Variants in MMP26 observed in about 807,000 individuals in gnomAD.
MMP26 encodes matrix metalloproteinase-26.
In MMP26, 33 loss-of-function variants were observed where a neutral mutation model predicts 31.0. That is an observed-to-expected ratio of 1.06 (90% CI 0.81 to 1.42). The LOEUF is 1.42. MMP26 is among the 40% of genes most tolerant of loss of function. The pLI is 0.00. For synonymous variants in MMP26, 122 were observed against 114.9 expected (o/e 1.06, Z -0.40); for missense variants, 347 against 316.1 (o/e 1.10, Z -0.74).
intron 2 of MMP26, among the ~76,000 whole-genome samples, chr11:4,923,075 T>C (rs1302238346): frequency 6.6e-6 from 1 of 152,254 alleles, no homozygotes; most frequent in Non-Finnish European, 1.5e-5. Context: ...TAATGGTTAA[T>C]ATTTATTGAA....
chr11:4,808,275 G>T (rs1053559249), intron 2 of MMP26, among the ~76,000 whole-genome samples: 2 of 152,138 alleles, frequency 1.3e-5, no homozygotes, highest in Non-Finnish European at 1.5e-5. Context: ...GCCTGTGCTA[G>T]ATAACAATTC....
rs1412653489 is a variant in MMP26 at position 4,751,647 on chromosome 11, C to A, written c.-216-15623C>A. On this transcript the variant is annotated intron_variant, in intron 1 of 7. Transcript: ENST00000380390. ...AAATTGTTGAGGAAATTACCATAGACAGGATTTGCTGCTTCATTTAGTTGG... is the reference window on the plus strand; with the variant it reads ...AAATTGTTGAGGAAATTACCATAGAAAGGATTTGCTGCTTCATTTAGTTGG... 3.3e-5 allele frequency among the ~76,000 whole-genome samples: 5 copies of A among 152,164 alleles called. 1 individual carries two copies. In the South Asian group the frequency reaches 1.0e-3, roughly 32 times the overall value.
chr11:4,961,262 C>T (rs747965209), intron 2 of MMP26, among the ~76,000 whole-genome samples: 4 of 152,112 alleles, frequency 2.6e-5, no homozygotes, highest in East Asian at 1.9e-4. Flanking sequence ...GTTAAATTTC[C>T]GATGTCCAAG....
rs1283040337 is a variant in MMP26 at position 4,914,936 on chromosome 11, A to T, written c.-144-73132A>T. On this transcript the variant is annotated intron_variant, in intron 2 of 7. Transcript: ENST00000380390. The stretch of plus-strand genomic sequence containing the variant: ...ACAGATGTGGGAAACACAGGTGTTA[A>T]GGGCCTTGAATCTCTCAGCCCTGGA... 6.2e-7 allele frequency: 1 copy of T among 1,614,130 alleles called. No individual in the cohort carries two copies. Among genetic ancestry groups the T allele is most frequent in the Non-Finnish European group, 8.5e-7 (1 of 1,180,006 alleles).
intron 2 of MMP26, chr11:4,848,650 A>C (rs1849919611): frequency 1.2e-6 from 2 of 1,613,426 alleles, no homozygotes; most frequent in African/African-American, 1.3e-5. Context: ...GGATGCAAGC[A>C]ATAAGAATGG....
chr11:4,708,516 A>C (rs7108910), intron 1 of MMP26, among the ~76,000 whole-genome samples: 45,688 of 152,062 alleles, frequency 0.3, 8,007 homozygotes, highest in African/African-American at 0.48. Flanking sequence ...ATTCTAATGC[A>C]CACACTAACA....
chr11:4,782,156 C>T (rs576206416), intron 2 of MMP26, among the ~76,000 whole-genome samples: 35 of 152,170 alleles, frequency 2.3e-4, no homozygotes, highest in African/African-American at 6.3e-4. Flanking sequence ...GGCAGAGGTT[C>T]GAACAGTTTG....
intron 2 of MMP26, among the ~76,000 whole-genome samples, chr11:4,932,711 T>C (rs1851367931): frequency 6.6e-6 from 1 of 152,076 alleles, no homozygotes; most frequent in Non-Finnish European, 1.5e-5. Context: ...AGTTTTGGAG[T>C]GGTTCGCTCT....
At chr11:4,805,839 T>C (rs994265869) in intron 2 of MMP26, among the ~76,000 whole-genome samples, 1 of 152,162 alleles carries the variant, frequency 6.6e-6, no homozygotes, top group African/African-American at 2.4e-5. Context: ...TCTTTGAGTT[T>C]TTTGGTGATC....
At position 4,953,274 on chromosome 11, in the gene MMP26, A is replaced by T. The variant is rs1316685687; in HGVS notation, c.-144-34794A>T. Among the ~76,000 whole-genome samples the T allele has an allele frequency of 6.4e-5, 8 of 125,616 alleles. 1 individual carries two copies. In the East Asian group the frequency reaches 1.8e-3, roughly 28 times the overall value. The allele number at this position is 125,616 out of a possible 152,430, so 82.4% of individuals were successfully genotyped here. On this transcript the variant is annotated intron_variant, in intron 2 of 7. Coordinates refer to ENST00000380390, the MANE Select transcript of MMP26 (RefSeq NM_021801.5). ...TTTCTACAAACATGGTCTTATTTTT[A>T]AAATCATTCATTAGCATTTATTTAT... is the stretch of plus-strand genomic sequence containing the variant.
At position 4,955,004 on chromosome 11, in the gene MMP26, T is replaced by C. The variant is rs780458581; in HGVS notation, c.-144-33064T>C. 7.3e-6 allele frequency: 10 copies of C among 1,378,134 alleles called. 1 individual carries two copies. The African/African-American group carries it at 1.5e-4, about 21-fold the overall frequency. 85.4% of individuals were successfully genotyped at this position (1,378,134 alleles called of 1,614,324 possible). ...GTGTGAAACACAAGTATTGAGAGCC[T>C]TAAGCTCCTCCTTTTTGGATGCAAT... On this transcript the variant is annotated intron_variant, in intron 2 of 7. Coordinates refer to ENST00000380390, the MANE Select transcript of MMP26 (RefSeq NM_021801.5).
At chr11:4,838,315 T>TAAAAAAAAAAAAAAAAA (rs540572047) in intron 2 of MMP26, among the ~76,000 whole-genome samples, 1 of 27,406 alleles carries the variant, frequency 3.6e-5, no homozygotes, top group African/African-American at 7.7e-5. Context: ...AGACTCTGTC[T>TAAAAAAAAAAAAAAAAA]AAAAAAAAAA....
intron 2 of MMP26, chr11:4,860,168 G>A (rs1026971386): frequency 6.4e-6 from 3 of 470,956 alleles, no homozygotes; most frequent in African/African-American, 6.0e-5. Context: ...GAAACATAGT[G>A]TAATGGGTTT....
intron 1 of MMP26, among the ~76,000 whole-genome samples, chr11:4,708,419 C>G (rs537943631): frequency 6.6e-6 from 1 of 152,104 alleles, no homozygotes; most frequent in African/African-American, 2.4e-5. Context: ...TCTTTTCATT[C>G]GGGGGGTTGC....
At chr11:4,766,703 C>CCCTCCCTCCCTCCCTCCCT in intron 1 of MMP26, among the ~76,000 whole-genome samples, 1 of 102,454 alleles carries the variant, frequency 9.8e-6, no homozygotes, top group East Asian at 3.1e-4. Flanking sequence ...TTCCCTCCCT[C>CCCTCCCTCCCTCCCTCCCT]CCTCCCTCCC....
chr11:4,988,070 A>G lies in MMP26; in HGVS notation c.-142A>G. The G allele has an allele frequency of 1.4e-6, 1 of 734,600 alleles. No homozygotes were observed. The allele number at this position is 734,600 out of a possible 1,614,324, so 45.5% of individuals were successfully genotyped here. A position where few individuals can be genotyped will look rare whatever the true frequency, so the allele number is the denominator to read the frequency against. On this transcript the variant is annotated splice_region_variant and 5_prime_UTR_variant, in exon 3 of 8. An upstream start codon of the reference 5' UTR is lost. Coordinates refer to ENST00000380390, the MANE Select transcript of MMP26 (RefSeq NM_021801.5). ...GCTGGTCACTCTGCCCTCAGCAGGT[A>G]TGGATGATGACGCCACTCACAGATT...
chr11:4,896,616 C>T (rs985707621), intron 2 of MMP26, among the ~76,000 whole-genome samples: 5 of 152,092 alleles, frequency 3.3e-5, no homozygotes, highest in Non-Finnish European at 7.4e-5. Flanking sequence ...CTAGATTAAT[C>T]GATATATTAT....
At chr11:4,717,263 A>G (rs1005975191) in intron 1 of MMP26, among the ~76,000 whole-genome samples, 1 of 152,104 alleles carries the variant, frequency 6.6e-6, no homozygotes, top group Admixed American at 6.5e-5. Flanking sequence ...GGCAGGTGCA[A>G]TACTTGACTT....
intron 2 of MMP26, among the ~76,000 whole-genome samples, chr11:4,977,042 C>A (rs186000807): frequency 6.6e-6 from 1 of 151,708 alleles, no homozygotes; most frequent in Admixed American, 6.6e-5. Flanking sequence ...GTCTATATAC[C>A]CTTTGTTCAT....
Sources: allele counts gnomAD v4.1 joint callset (sites outside exome capture counted in the v4.1 genomes callset), GRCh38; gene constraint gnomAD v4.1.1; transcripts MANE v1.5; gene names NCBI Gene and HGNC (gene_info 2026-07-23, HGNC 2026-07-21).